TNFRSF21: variants seen among roughly 807,000 people sequenced by gnomAD.
TNFRSF21 encodes the protein TNF receptor superfamily member 21.
A neutral mutation model predicts 45.6 loss-of-function variants in TNFRSF21; 19 were observed. The ratio of observed to expected loss-of-function variants is 0.42; its 90% CI spans 0.29 to 0.61. The LOEUF is 0.61. Among genes scored for constraint, TNFRSF21 ranks in the 20% least tolerant of loss-of-function variants. TNFRSF21 has a pLI of 0.23. For synonymous variants in TNFRSF21, 314 were observed against 335.5 expected (o/e 0.94, Z 0.70); for missense variants, 737 against 851.5 (o/e 0.87, Z 1.67).
intron 3 of TNFRSF21, among the ~76,000 whole-genome samples, chr6:47,270,275 C>T (rs139919659): frequency 9.7e-4 from 148 of 152,238 alleles, no homozygotes; most frequent in African/African-American, 3.2e-3. Context: ...CTGCCCCTCC[C>T]GGATGAAGCT....
intron 4 of TNFRSF21, among the ~76,000 whole-genome samples, chr6:47,240,899 TC>T (rs2113844513): frequency 6.6e-6 from 1 of 152,330 alleles, no homozygotes; most frequent in African/African-American, 2.4e-5. Context: ...AAATTCAATT[TC>T]TACTAAAGGT....
intron 1 of TNFRSF21, among the ~76,000 whole-genome samples, chr6:47,299,645 G>A (rs982984053): frequency 3.3e-5 from 5 of 152,188 alleles, no homozygotes; most frequent in Admixed American, 2.6e-4. Flanking sequence ...AGGGCTACAT[G>A]AGTACATAAT....
intron 4 of TNFRSF21, among the ~76,000 whole-genome samples, chr6:47,244,963 C>T (rs749020269): frequency 7.2e-5 from 11 of 152,184 alleles, no homozygotes; most frequent in South Asian, 2.1e-4. Context: ...TTATCCAAAT[C>T]GGTGTTTTGC....
intron 2 of TNFRSF21, 128 bp downstream of exon 2, chr6:47,285,816 G>C: frequency 9.8e-7 from 1 of 1,018,002 alleles, no homozygotes; most frequent in Non-Finnish European, 1.4e-6. Flanking sequence ...ACCATATGAA[G>C]GCCTCTCTCC....
At chr6:47,306,656 C>T (rs796263779) in intron 1 of TNFRSF21, among the ~76,000 whole-genome samples, 1 of 151,954 alleles carries the variant, frequency 6.6e-6, no homozygotes, top group Non-Finnish European at 1.5e-5. Context: ...ATATTGTGTA[C>T]CTATATATTT....
intron 3 of TNFRSF21, among the ~76,000 whole-genome samples, chr6:47,267,127 C>T (rs1352392493): frequency 6.6e-6 from 1 of 150,876 alleles, no homozygotes; most frequent in Non-Finnish European, 1.5e-5. Flanking sequence ...GAGACAGAGT[C>T]TCACTCTGTC....
chr6:47,241,810 G>T (rs1465007179), intron 4 of TNFRSF21, among the ~76,000 whole-genome samples: 2 of 152,164 alleles, frequency 1.3e-5, no homozygotes, highest in South Asian at 4.2e-4. Context: ...ACTTTTCCTG[G>T]GCTTCTAATT....
intron 3 of TNFRSF21, among the ~76,000 whole-genome samples, chr6:47,259,045 T>C (rs1169507316): frequency 1.3e-5 from 2 of 152,194 alleles, no homozygotes; most frequent in Non-Finnish European, 2.9e-5. Context: ...GACTGTCAAA[T>C]AGCATAAAGA....
At position 47,232,491 on chromosome 6, in the gene TNFRSF21, C is replaced by A; in HGVS notation, c.*274G>T. ...TGGAGAAAATATGGAACTTAAAAAA[C>A]TTTAGTGGTGGGTATTTCACAACAG... On this transcript the variant is annotated 3_prime_UTR_variant, in exon 6 of 6. Coordinates refer to ENST00000296861, the MANE Select transcript of TNFRSF21 (RefSeq NM_014452.5). 2 of 360,854 alleles carry A rather than the reference C, an allele frequency of 5.5e-6. No homozygotes were observed. The highest frequency in any genetic ancestry group is 9.9e-6 in the Non-Finnish European group (2 of 201,292). 22.4% of individuals were successfully genotyped at this position (360,854 alleles called of 1,614,324 possible). A position where few individuals can be genotyped will look rare whatever the true frequency, so the allele number is the denominator to read the frequency against.
At chr6:47,282,791 A>C (rs1762588549) in intron 3 of TNFRSF21, among the ~76,000 whole-genome samples, 1 of 152,190 alleles carries the variant, frequency 6.6e-6, no homozygotes, top group Admixed American at 6.5e-5. Context: ...TTCCTGGCTA[A>C]AATCAAAAAC....
intron 2 of TNFRSF21, among the ~76,000 whole-genome samples, 163 bp downstream of exon 2, chr6:47,285,781 C>CA (rs1762637036): frequency 6.6e-6 from 1 of 152,080 alleles, no homozygotes; most frequent in African/African-American, 2.4e-5. Context: ...TCTATTAAGT[C>CA]CAAAAAAGCC....
Position 47,261,057 on chromosome 6 carries a change from C to T in TNFRSF21, c.1244-7536G>A, listed in dbSNP as rs72863411. On this transcript the variant is annotated intron_variant, in intron 3 of 5. Transcript: ENST00000296861. ...TCTCCTGAGATGTACACATGGAAGA[C>T]GGGAGACATGAACTCAAGACAGCCT... is the stretch of plus-strand genomic sequence containing the variant. 5.1e-3 allele frequency among the ~76,000 whole-genome samples: 783 copies of T among 152,172 alleles called. 3 individuals carry two copies. The highest frequency in any genetic ancestry group is 9.2e-3 in the Non-Finnish European group (626 of 68,004).
At chr6:47,299,253 G>A (rs1017364662) in intron 1 of TNFRSF21, among the ~76,000 whole-genome samples, 1 of 152,158 alleles carries the variant, frequency 6.6e-6, no homozygotes, top group African/African-American at 2.4e-5. Flanking sequence ...CACTTTGGGA[G>A]GCCGAGGCAG....
intron 3 of TNFRSF21, among the ~76,000 whole-genome samples, chr6:47,272,546 A>G (rs1454184642): frequency 6.6e-6 from 1 of 152,096 alleles, no homozygotes; most frequent in South Asian, 2.1e-4. Flanking sequence ...AGCACTAAAC[A>G]CCCACATGAG....
chr6:47,238,966 C>A (rs1174344804), intron 4 of TNFRSF21, among the ~76,000 whole-genome samples: 1 of 152,104 alleles, frequency 6.6e-6, no homozygotes, highest in Admixed American at 6.5e-5. Flanking sequence ...ACTGAAGTAC[C>A]CACTCTGGAT....
chr6:47,262,214 C>T (rs1765083710), intron 3 of TNFRSF21, among the ~76,000 whole-genome samples: 1 of 152,150 alleles, frequency 6.6e-6, no homozygotes, highest in Non-Finnish European at 1.5e-5. Flanking sequence ...CAACGATAAA[C>T]TATCAAAACA....
chr6:47,254,464 A>G (rs1353641548), intron 3 of TNFRSF21, among the ~76,000 whole-genome samples: 2 of 152,262 alleles, frequency 1.3e-5, no homozygotes, highest in Non-Finnish European at 2.9e-5. Context: ...GGACTACTGT[A>G]CTAAATACAA....
chr6:47,247,933 T>C (rs997730630), intron 4 of TNFRSF21, among the ~76,000 whole-genome samples: 13 of 152,154 alleles, frequency 8.5e-5, no homozygotes, highest in African/African-American at 2.9e-4. Flanking sequence ...GTTGTGAAAT[T>C]ATAGTGTAGT....
chr6:47,290,381 G>C (rs993408067), intron 1 of TNFRSF21, among the ~76,000 whole-genome samples: 1 of 152,176 alleles, frequency 6.6e-6, no homozygotes, highest in African/African-American at 2.4e-5. Context: ...AGGAGGTCAT[G>C]AATAGCAAGT....
Sources: allele counts gnomAD v4.1 joint callset (sites outside exome capture counted in the v4.1 genomes callset), GRCh38; gene constraint gnomAD v4.1.1; transcripts MANE v1.5; gene names NCBI Gene and HGNC (gene_info 2026-07-23, HGNC 2026-07-21).